KIFBP: variants seen among roughly 807,000 people sequenced by gnomAD.
KIFBP encodes the protein kinesin family binding protein, also known as KIF-binding protein.
In KIFBP, 46 loss-of-function variants were observed where a neutral mutation model predicts 58.9. That is an observed-to-expected ratio of 0.78 (90% CI 0.62 to 1.00). The LOEUF (loss-of-function observed/expected upper bound fraction) is 1.00, where lower values mean the gene tolerates loss of function less well. Among genes scored for constraint, KIFBP ranks in the 50% least tolerant of loss-of-function variants. The probability of loss-of-function intolerance (pLI) is 0.00; values close to 1 mark genes in which losing one functional copy is unlikely to be tolerated. For missense variants in KIFBP, 651 were observed against 752.9 expected (o/e 0.86, Z 1.58); for synonymous variants, 241 against 283.4 (o/e 0.85, Z 1.50).
intron 4 of KIFBP, among the ~76,000 whole-genome samples, chr10:69,008,110 G>A (rs1178772675): frequency 6.6e-6 from 1 of 151,838 alleles, no homozygotes; most frequent in Non-Finnish European, 1.5e-5. Flanking sequence ...ATGTAAAGGG[G>A]CTCTCTAAAC....
intron 2 of KIFBP, among the ~76,000 whole-genome samples, chr10:69,003,820 T>A (rs746810087): frequency 2.6e-5 from 4 of 152,198 alleles, no homozygotes; most frequent in Non-Finnish European, 4.4e-5. Flanking sequence ...TTATTAGTGG[T>A]CAGTTTAGAA....
In KIFBP at chr10:69,016,540, C is replaced by A; in HGVS notation, c.*124C>A. 1 of 913,628 alleles carries A rather than the reference C, an allele frequency of 1.1e-6. No homozygotes were observed. 56.6% of individuals were successfully genotyped at this position (913,628 alleles called of 1,614,324 possible). A position where few individuals can be genotyped will look rare whatever the true frequency, so the allele number is the denominator to read the frequency against. On this transcript the variant is annotated 3_prime_UTR_variant, in exon 7 of 7. Coordinates refer to ENST00000361983, the MANE Select transcript of KIFBP (RefSeq NM_015634.4). The stretch of plus-strand genomic sequence containing the variant: ...GTGAGTGCAGTTTGAACTTGAGATA[C>A]AGTCAACTGAGTGTTTGCTAGGATC...
chr10:69,012,541 T>G (rs971030848), intron 6 of KIFBP, among the ~76,000 whole-genome samples: 1 of 152,054 alleles, frequency 6.6e-6, no homozygotes, highest in African/African-American at 2.4e-5. Context: ...GGACTCTGCT[T>G]GATAAAAGTA....
chr10:68,996,710 G>A lies in KIFBP; in HGVS notation c.427-3714G>A, dbSNP rs193168105. On this transcript the variant is annotated intron_variant, in intron 1 of 6. Transcript: ENST00000361983. ...TCTATTAAAAATACAAAAATTAGCC[G>A]GGCATGGTGGCGCATGTCTGTAATC... Among the ~76,000 whole-genome samples, 4 of 151,486 alleles carry A rather than the reference G, an allele frequency of 2.6e-5. No individual in the cohort carries two copies. In the East Asian group the frequency reaches 5.8e-4, roughly 22 times the overall value.
chr10:69,010,298 G>A (rs1843577601), intron 5 of KIFBP, among the ~76,000 whole-genome samples: 1 of 152,080 alleles, frequency 6.6e-6, no homozygotes, highest in Non-Finnish European at 1.5e-5. Flanking sequence ...TCCACTTCTA[G>A]GAATCTGCCC....
intron 1 of KIFBP, among the ~76,000 whole-genome samples, chr10:68,998,068 C>G (rs1440352508): frequency 6.6e-6 from 1 of 152,108 alleles, no homozygotes; most frequent in Non-Finnish European, 1.5e-5. Context: ...AGTATCTAGT[C>G]TCAGGTAGTT....
intron 4 of KIFBP, among the ~76,000 whole-genome samples, chr10:69,008,390 A>AT (rs1285143910): frequency 0.17 from 16,955 of 99,434 alleles, 1,557 homozygotes; most frequent in Non-Finnish European, 0.24. Flanking sequence ...AAAAAAAAAA[A>AT]AATATATATA....
intron 1 of KIFBP, among the ~76,000 whole-genome samples, chr10:68,997,557 G>A (rs934511400): frequency 6.6e-6 from 1 of 151,984 alleles, no homozygotes; most frequent in Non-Finnish European, 1.5e-5. Context: ...ACAGCCTGTG[G>A]AACTGTGACC....
chr10:68,995,238 T>C lies in KIFBP; in HGVS notation c.427-5186T>C, dbSNP rs1843392081. ...TTCACCATGTTGCCCAGGCCTCAAGTGATTCGCCTGCGTTGGCCTCCCAAA... is the reference window on the plus strand; with the variant it reads ...TTCACCATGTTGCCCAGGCCTCAAGCGATTCGCCTGCGTTGGCCTCCCAAA... On this transcript the variant is annotated intron_variant, in intron 1 of 6. Coordinates refer to ENST00000361983, the MANE Select transcript of KIFBP (RefSeq NM_015634.4). The C allele has an allele frequency of 2.0e-5, 3 of 152,224 alleles. No individual in the cohort carries two copies. The South Asian group carries it at 6.2e-4, about 32-fold the overall frequency. The allele number at this position is 152,224 out of a possible 1,614,324, so 9.4% of individuals were successfully genotyped here.
At chr10:69,008,075 A>T (rs1251987278) in intron 4 of KIFBP, among the ~76,000 whole-genome samples, 1 of 152,108 alleles carries the variant, frequency 6.6e-6, no homozygotes, top group Non-Finnish European at 1.5e-5. Flanking sequence ...ACCTGAGTTT[A>T]TCCTATTTGC....
At chr10:68,990,836 T>C (rs988040033) in intron 1 of KIFBP, among the ~76,000 whole-genome samples, 2 of 151,922 alleles carry the variant, frequency 1.3e-5, no homozygotes, top group Admixed American at 6.6e-5. Flanking sequence ...AGGAAAACAA[T>C]ATAAATGTCA....
intron 6 of KIFBP, among the ~76,000 whole-genome samples, chr10:69,011,683 C>CTTTTTTTTTTT (rs34786287): frequency 2.4e-5 from 1 of 42,512 alleles, no homozygotes; most frequent in Admixed American, 3.1e-4. Flanking sequence ...TGTGCCTAAT[C>CTTTTTTTTTTT]TTTTTTTTTT....
rs1487370056 is a variant in KIFBP, at chr10:69,005,778, T to G, written c.652T>G (p.Tyr218Asp). ...TAACCTATATTACCTAGCTCAAGTC[T>G]ACCAGCATCTGGAAATGTTTGAGAA... ...THNLYYLAQVYQHLEMFEKAA... is the reference protein window; with the variant it reads ...THNLYYLAQVDQHLEMFEKAA... Residue 218 changes from tyrosine (Y) to aspartate (D), a missense_variant, in exon 4 of 7, where the codon TAC (tyrosine) becomes GAC (aspartate). Physicochemically the swap from Tyr to Asp is radical, Grantham distance 160. Coordinates refer to ENST00000361983, the MANE Select transcript of KIFBP (RefSeq NM_015634.4). The G allele has an allele frequency of 6.2e-7, 1 of 1,613,952 alleles. No homozygotes were observed. Among genetic ancestry groups the G allele is most frequent in the Non-Finnish European group, 8.5e-7 (1 of 1,179,826 alleles).
intron 1 of KIFBP, chr10:68,991,089 G>A (rs1843341770): frequency 6.6e-6 from 1 of 152,478 alleles, no homozygotes; most frequent in African/African-American, 2.4e-5. Context: ...TGGGCACATA[G>A]TGACACCTCA....
intron 2 of KIFBP, 38 bp downstream of exon 2, chr10:69,000,560 A>C (rs1236145803): frequency 8.1e-7 from 1 of 1,237,266 alleles, no homozygotes; most frequent in African/African-American, 1.5e-5. Flanking sequence ...GTTTTGATTG[A>C]AACTAGTTAA....
chr10:68,992,538 G>A (rs2132106616), intron 1 of KIFBP, among the ~76,000 whole-genome samples: 1 of 152,326 alleles, frequency 6.6e-6, no homozygotes, highest in East Asian at 1.9e-4. Flanking sequence ...AGAGGTCTCA[G>A]ATGAGGAATT....
At chr10:69,002,163 C>CTT (rs912429874) in intron 2 of KIFBP, among the ~76,000 whole-genome samples, 2 of 142,418 alleles carry the variant, frequency 1.4e-5, no homozygotes, top group Non-Finnish European at 3.1e-5. Context: ...AAGATTCTGT[C>CTT]TTTTTTTTTT....
At chr10:69,002,338 T>G (rs1399130306) in intron 2 of KIFBP, among the ~76,000 whole-genome samples, 9 of 151,908 alleles carry the variant, frequency 5.9e-5, no homozygotes, top group Admixed American at 5.9e-4. Context: ...TTTTGTATTT[T>G]TATAGAGACC....
rs946518833 is a variant in KIFBP, at chr10:69,016,032, G to A, written c.1482G>A (p.Arg494=). The change falls in exon 7 of 7, where the codon AGG becomes AGA. Residue 494 remains arginine (R), a synonymous_variant. Transcript: ENST00000361983. ...MMDLKVAIAD[R]LRDPDSHIVK... ...ATTTGAAGGTTGCCATTGCTGACAG[G>A]CTAAGGGATCCTGATTCACACATTG... 3.1e-6 allele frequency: 5 copies of A among 1,613,962 alleles called. No individual in the cohort carries two copies. The highest frequency in any genetic ancestry group is 1.3e-5 in the African/African-American group (1 of 74,896).
Sources: allele counts gnomAD v4.1 joint callset (sites outside exome capture counted in the v4.1 genomes callset), GRCh38; gene constraint gnomAD v4.1.1; transcripts MANE v1.5; gene names NCBI Gene and HGNC (gene_info 2026-07-23, HGNC 2026-07-21).